The following KMT2A variants were observed in gnomAD, a reference collection of about 807,000 sequenced individuals.
KMT2A encodes lysine methyltransferase 2A.
KMT2A carries 16 observed loss-of-function variants against 345.3 expected under a neutral mutation model. That is an observed-to-expected ratio of 0.05 (90% CI 0.03 to 0.07). The LOEUF (loss-of-function observed/expected upper bound fraction) is 0.07. KMT2A is among the 10% of genes least tolerant of loss of function. KMT2A has a pLI of 1.00. For missense variants in KMT2A, 3,272 were observed against 4,841.6 expected, an observed-to-expected ratio of 0.68 and a Z score of 9.62; for synonymous variants, 1,599 against 1,778.6, an observed-to-expected ratio of 0.90 and a Z score of 2.54.
At position 118,509,034 on chromosome 11, in the gene KMT2A, T is replaced by G. The variant is rs186778395; in HGVS notation, c.10836-102T>G. 1.6e-3 allele frequency: 1,503 copies of G among 914,986 alleles called. 17 individuals are homozygous for G. In the African/African-American group the frequency reaches 0.019, roughly 12 times the overall value. 56.7% of individuals were successfully genotyped at this position (914,986 alleles called of 1,614,324 possible). A position where few individuals can be genotyped will look rare whatever the true frequency, so the allele number is the denominator to read the frequency against. ...AGAAAGCCCCCTGTGGCTCATTTTCTAGCAGTTATTTTGTATACCACAGCT... is the reference window on the plus strand; with the variant it reads ...AGAAAGCCCCCTGTGGCTCATTTTCGAGCAGTTATTTTGTATACCACAGCT... On this transcript the variant is annotated intron_variant, in intron 28 of 35. Transcript: ENST00000534358.
chr11:118,461,995 A>G (rs1949752662), intron 1 of KMT2A, among the ~76,000 whole-genome samples: 1 of 152,048 alleles, frequency 6.6e-6, no homozygotes, highest in Non-Finnish European at 1.5e-5. Context: ...TTTATCACCC[A>G]GGCTGGAGTG....
rs1555138671 is a variant in KMT2A, at chr11:118,436,766, C to A, written c.254C>A (p.Ser85Tyr). 6.2e-7 allele frequency: 1 copy of A among 1,603,742 alleles called. No homozygotes were observed. ...PGGAAAASAA[S>Y]SSSASSSSSS... Reference sequence around the variant, plus strand: ...GGAGCGGCCGCCGCCTCAGCAGCCTCCTCGTCGTCCGCCTCGTCTTCGTCT... The same window carrying A: ...GGAGCGGCCGCCGCCTCAGCAGCCTACTCGTCGTCCGCCTCGTCTTCGTCT... Residue 85 changes from serine to tyrosine, a missense_variant, in exon 1 of 36, where the codon TCC (serine) becomes TAC (tyrosine). Transcript: ENST00000534358. The surrounding 1 kb of genome is among the most constrained non-coding windows in gnomAD (Gnocchi z 6.9).
intron 11 of KMT2A, among the ~76,000 whole-genome samples, chr11:118,488,995 C>T (rs376974388): frequency 2.0e-5 from 3 of 151,998 alleles, no homozygotes; most frequent in South Asian, 2.1e-4. Flanking sequence ...ATATGGTGGG[C>T]GGATCACTTG....
In KMT2A at chr11:118,525,253, T is replaced by C; in HGVS notation, c.*3081T>C. ...TCCCAAATCCCTGAGGAGTAACAGC[T>C]GCAAACCTGGTCAGTTCTCAGTGAG... On this transcript the variant is annotated 3_prime_UTR_variant, in exon 36 of 36. Transcript: ENST00000534358. 4.3e-6 allele frequency: 1 copy of C among 230,968 alleles called. No individual in the cohort carries two copies. Among genetic ancestry groups the C allele is most frequent in the East Asian group, 6.1e-5 (1 of 16,324 alleles). 14.3% of individuals were successfully genotyped at this position (230,968 alleles called of 1,614,324 possible).
chr11:118,485,053 TG>T, intron 10 of KMT2A, 78 bp downstream of exon 10: 1 of 892,562 alleles, frequency 1.1e-6, no homozygotes, highest in South Asian at 1.4e-5. Flanking sequence ...TAGTCTGTTT[TG>T]TTGGTATTTA....
At chr11:118,438,117 T>C (rs1555139221) in intron 1 of KMT2A, among the ~76,000 whole-genome samples, 1 of 151,972 alleles carries the variant, frequency 6.6e-6, no homozygotes, top group Non-Finnish European at 1.5e-5. Flanking sequence ...GGAGAGTAGA[T>C]AAGGGACAGT....
intron 1 of KMT2A, among the ~76,000 whole-genome samples, chr11:118,453,626 C>T (rs1949584755): frequency 6.6e-6 from 1 of 152,218 alleles, no homozygotes; most frequent in Non-Finnish European, 1.5e-5. Flanking sequence ...ACACTGACTA[C>T]TTCTCAGAGT....
At position 118,503,951 on chromosome 11, in the gene KMT2A, T is replaced by A; in HGVS notation, c.8059T>A (p.Phe2687Ile). 1 of 1,614,154 alleles carries A rather than the reference T, an allele frequency of 6.2e-7. No individual in the cohort carries two copies. The highest frequency in any genetic ancestry group is 8.5e-7 in the Non-Finnish European group (1 of 1,180,032). Residue 2687 changes from phenylalanine to isoleucine, a missense_variant, in exon 27 of 36, where the codon TTC becomes ATC. Phe to Ile is a conservative substitution (Grantham distance 21, BLOSUM62 0). Coordinates refer to ENST00000534358, the MANE Select transcript of KMT2A (RefSeq NM_001197104.2). The surrounding 1 kb of genome is among the most constrained non-coding windows in gnomAD (Gnocchi z 5.3). Reference sequence around the variant, plus strand: ...TGAAGACGACTTATACTATTACAACTTCACTAGAACAGTGATTTCTTCAGG... The same window carrying A: ...TGAAGACGACTTATACTATTACAACATCACTAGAACAGTGATTTCTTCAGG... The part of the protein sequence containing the change: ...SDEDDLYYYN[F>I]TRTVISSGGE...
At position 118,494,319 on chromosome 11, in the gene KMT2A, T is replaced by C; in HGVS notation, c.5210T>C (p.Ile1737Thr). The C allele has an allele frequency of 6.2e-7, 1 of 1,606,626 alleles. No individual in the cohort carries two copies. Reference protein sequence around the residue: ...LEFSDDIVKIIQAAINSDGGQ... With the variant: ...LEFSDDIVKITQAAINSDGGQ... ...TTCAGTGATGATATTGTGAAGATCA[T>C]TCAAGCAGCCATTAATTCAGATGGA... The change falls in exon 17 of 36, where the codon ATT becomes ACT. Residue 1737 changes from isoleucine (I) to threonine (T), a missense_variant. Physicochemically the swap from Ile to Thr is moderately conservative, Grantham distance 89. This residue lies in a region of KMT2A where 235 missense variants were observed against 503.4 expected (regional missense o/e 0.47). Transcript: ENST00000534358. This position sits in a 1 kb window ranked among gnomAD's most constrained non-coding sequence, Gnocchi z 5.8.
At chr11:118,513,937 CAA>C (rs1178939991) in intron 31 of KMT2A, among the ~76,000 whole-genome samples, 53 of 47,362 alleles carry the variant, frequency 1.1e-3, no homozygotes, top group Admixed American at 1.8e-3. Context: ...GACCCTGTCT[CAA>C]AAAAAAAAAA....
At chr11:118,519,486 G>A (rs938031911) in intron 31 of KMT2A, 132 bp from the exon 32 acceptor site, 40 of 674,280 alleles carry the variant, frequency 5.9e-5, no homozygotes, top group Middle Eastern at 8.5e-4. Flanking sequence ...TGCTAATTTC[G>A]AGCTAATATG....
chr11:118,473,937 T>C lies in KMT2A; in HGVS notation c.2778T>C (p.Ser926=). The change falls in exon 3 of 36, where the codon TCT becomes TCC. Residue 926 remains serine, a synonymous_variant. Coordinates refer to ENST00000534358, the MANE Select transcript of KMT2A (RefSeq NM_001197104.2). This position sits in a 1 kb window ranked among gnomAD's most constrained non-coding sequence, Gnocchi z 5.2. ...GTGAAGATGTTGCCACTTCATCTTCTGCCAAAAAAGCAACAGGGCGGAAGA... is the reference window on the plus strand; with the variant it reads ...GTGAAGATGTTGCCACTTCATCTTCCGCCAAAAAAGCAACAGGGCGGAAGA... ...VVGEDVATSS[S]AKKATGRKKS... 6.2e-7 allele frequency: 1 copy of C among 1,614,038 alleles called. No individual in the cohort carries two copies. Among genetic ancestry groups the C allele is most frequent in the Non-Finnish European group, 8.5e-7 (1 of 1,179,956 alleles).
chr11:118,447,744 G>A, intron 1 of KMT2A: 2 of 375,582 alleles, frequency 5.3e-6, no homozygotes, highest in East Asian at 8.3e-5. Context: ...AAGGTTAAGA[G>A]GCAACTTAAT....
At chr11:118,460,460 G>A (rs1223492514) in intron 1 of KMT2A, among the ~76,000 whole-genome samples, 2 of 151,802 alleles carry the variant, frequency 1.3e-5, no homozygotes, top group Non-Finnish European at 2.9e-5. Flanking sequence ...CTATTTTTTT[G>A]TATTTTTAGT....
intron 10 of KMT2A, among the ~76,000 whole-genome samples, chr11:118,487,242 C>G (rs927432794): frequency 1.3e-5 from 2 of 152,116 alleles, no homozygotes; most frequent in African/African-American, 4.8e-5. Context: ...TTTTATAGCA[C>G]CAGTCCTTCA....
At chr11:118,500,910 A>G (rs1364695655) in intron 24 of KMT2A, 77 bp from the exon 25 acceptor site, 7 of 1,174,700 alleles carry the variant, frequency 6.0e-6, no homozygotes, top group African/African-American at 1.5e-5. Flanking sequence ...ACCTAGGATA[A>G]AGAGAGGTTT....
chr11:118,454,802 T>C (rs1464686065), intron 1 of KMT2A, among the ~76,000 whole-genome samples: 1 of 152,232 alleles, frequency 6.6e-6, no homozygotes. Flanking sequence ...ATAGTTTTCA[T>C]GTACACAAAA....
In KMT2A at chr11:118,481,702, G is replaced by A. The variant is rs782215977; in HGVS notation, c.3635-13G>A. Reference sequence around the variant, plus strand: ...CACTATAGACAGATGATGTTGTTGTGTTTTTCCCTCAGCTGTGAAAAAGAA... The same window carrying A: ...CACTATAGACAGATGATGTTGTTGTATTTTTCCCTCAGCTGTGAAAAAGAA... On this transcript the variant is annotated splice_polypyrimidine_tract_variant and intron_variant, in intron 6 of 35. Transcript: ENST00000534358. 5.6e-6 allele frequency: 9 copies of A among 1,599,808 alleles called. No individual in the cohort carries two copies. The African/African-American group carries it at 1.1e-4, about 19-fold the overall frequency.
In KMT2A at chr11:118,487,421, T is replaced by C. The variant is rs1237992788; in HGVS notation, c.4333-1193T>C. Among the ~76,000 whole-genome samples the C allele has an allele frequency of 2.0e-5, 3 of 152,196 alleles. No individual in the cohort carries two copies. In the East Asian group the frequency reaches 5.8e-4, roughly 29 times the overall value. ...CCAGTGCTTGATAAACTCTCCTCCA[T>C]GCGAATTTTTTAAACTTTTTATGTT... On this transcript the variant is annotated intron_variant, in intron 10 of 35. Coordinates refer to ENST00000534358, the MANE Select transcript of KMT2A (RefSeq NM_001197104.2).
Sources: gnomAD v4.1 joint callset for allele counts (sites outside exome capture counted in the v4.1 genomes callset) on GRCh38, gnomAD v4.1.1 for gene constraint, gnomAD v4.1.1 regional missense constraint, Gnocchi (gnomAD v3.1) non-coding constraint, MANE v1.5 for transcripts, NCBI Gene and HGNC (gene_info 2026-07-23, HGNC 2026-07-21) for gene names.